Variants in AGO4 observed in about 807,000 individuals in gnomAD.
AGO4 encodes protein argonaute-4.
A neutral mutation model predicts 104.7 loss-of-function variants in AGO4; 33 were observed. That is an observed-to-expected ratio of 0.32 (90% CI 0.24 to 0.42). The LOEUF (loss-of-function observed/expected upper bound fraction) is 0.42. Ranked by LOEUF, AGO4 falls within the 10% of genes least tolerant of loss-of-function variation. AGO4 has a pLI of 1.00. For missense variants in AGO4, 711 were observed against 1,083.4 expected, an observed-to-expected ratio of 0.66 and a Z score of 4.83; for synonymous variants, 331 against 364.7, an observed-to-expected ratio of 0.91 and a Z score of 1.05.
In AGO4 at chr1:35,835,886, C is replaced by T; in HGVS notation, c.1617C>T (p.Val539=). Residue 539 remains valine (V), a synonymous_variant, in exon 13 of 18, where the codon GTC becomes GTT. Transcript: ENST00000373210. ...DTLLGMATQC[V]QVKNVVKTSP... ...TTCTAGGTATGGCCACACAGTGTGTCCAGGTAAAAAATGTAGTGAAGACCT... is the reference window on the plus strand; with the variant it reads ...TTCTAGGTATGGCCACACAGTGTGTTCAGGTAAAAAATGTAGTGAAGACCT... The T allele has an allele frequency of 6.2e-7, 1 of 1,613,794 alleles. No individual in the cohort carries two copies. The highest frequency in any genetic ancestry group is 8.5e-7 in the Non-Finnish European group (1 of 1,179,888).
intron 15 of AGO4, among the ~76,000 whole-genome samples, chr1:35,845,841 A>G (rs1317905261): frequency 6.6e-6 from 1 of 152,162 alleles, no homozygotes; most frequent in Non-Finnish European, 1.5e-5. Context: ...CATATTACAC[A>G]TTCATTGTGG....
At chr1:35,813,888 A>G (rs1311084329) in intron 1 of AGO4, among the ~76,000 whole-genome samples, 3 of 152,000 alleles carry the variant, frequency 2.0e-5, no homozygotes, top group African/African-American at 7.2e-5. Flanking sequence ...AGCCTGGCCA[A>G]TGTAGTGAAA....
Position 35,825,300 on chromosome 1 carries a change from T to A in AGO4, c.307-13T>A, listed in dbSNP as rs375887645. On this transcript the variant is annotated splice_polypyrimidine_tract_variant and intron_variant, in intron 3 of 17. Coordinates refer to ENST00000373210, the MANE Select transcript of AGO4 (RefSeq NM_017629.4). ...AAACATTTGTGTTTGTATTCATGTA[T>A]TTTTTTCCTTAGGTTGATATGGAGG... 65 of 1,609,368 alleles carry A rather than the reference T, an allele frequency of 4.0e-5. No individual in the cohort carries two copies. Among genetic ancestry groups the A allele is most frequent in the Non-Finnish European group, 4.9e-5 (58 of 1,177,086 alleles).
Position 35,816,999 on chromosome 1 carries a change from A to G in AGO4, c.137A>G (p.His46Arg). The G allele has an allele frequency of 6.2e-7, 1 of 1,613,868 alleles. No homozygotes were observed. The highest frequency in any genetic ancestry group is 8.5e-7 in the Non-Finnish European group (1 of 1,179,898). ...QVQIPKIDVY[H>R]YDVDIKPEKR... is the part of the protein sequence containing the mutation. ...CAGATTCCTAAAATAGATGTGTATC[A>G]CTATGATGTGGATATTAAGCCTGAA... The change falls in exon 2 of 18, where the codon CAC (histidine) becomes CGC (arginine). Residue 46 changes from histidine to arginine, a missense_variant. This residue lies in a region of AGO4 where 308 missense variants were observed against 397.8 expected (regional missense o/e 0.77). Coordinates refer to ENST00000373210, the MANE Select transcript of AGO4 (RefSeq NM_017629.4).
chr1:35,816,741 G>GT, intron 1 of AGO4, 141 bp from the exon 2 acceptor site: 1 of 880,132 alleles, frequency 1.1e-6, no homozygotes, highest in Non-Finnish European at 1.6e-6. Flanking sequence ...AGAGGTTGCA[G>GT]TGAGCCAAGA....
chr1:35,833,774 A>G (rs796546315), intron 11 of AGO4, among the ~76,000 whole-genome samples: 4 of 152,364 alleles, frequency 2.6e-5, no homozygotes, highest in East Asian at 1.9e-4. Context: ...TTAGTAATAC[A>G]GATTCTTTTC....
chr1:35,839,815 C>G (rs1644396637), intron 13 of AGO4, among the ~76,000 whole-genome samples: 1 of 151,868 alleles, frequency 6.6e-6, no homozygotes, highest in South Asian at 2.1e-4. Flanking sequence ...AGAATTAACA[C>G]TCGCAGTCCC....
intron 15 of AGO4, among the ~76,000 whole-genome samples, chr1:35,842,795 C>T (rs963849511): frequency 6.6e-6 from 1 of 152,042 alleles, no homozygotes; most frequent in African/African-American, 2.4e-5. Flanking sequence ...CAAGACTCTG[C>T]CTAAAAGAAA....
At chr1:35,835,309 G>A (rs1056151951) in intron 12 of AGO4, among the ~76,000 whole-genome samples, 2 of 152,106 alleles carry the variant, frequency 1.3e-5, no homozygotes, top group East Asian at 3.8e-4. Context: ...CACCCGCCTT[G>A]GCCTCCCAAA....
chr1:35,826,719 G>C, intron 6 of AGO4, 29 bp from the exon 7 acceptor site: 1 of 1,568,450 alleles, frequency 6.4e-7, no homozygotes, highest in Non-Finnish European at 8.8e-7. Flanking sequence ...TTAATTAACT[G>C]ATGTTTTGCC....
intron 16 of AGO4, among the ~76,000 whole-genome samples, chr1:35,850,610 T>C (rs916812453): frequency 6.6e-6 from 1 of 151,036 alleles, no homozygotes; most frequent in African/African-American, 2.4e-5. Context: ...TGAAACCCCA[T>C]CTCTACTAAA....
chr1:35,847,550 T>C (rs1644601612), intron 15 of AGO4, among the ~76,000 whole-genome samples: 2 of 152,194 alleles, frequency 1.3e-5, no homozygotes, highest in Admixed American at 6.5e-5. Context: ...TTTACAAATG[T>C]GTACTGGGCC....
chr1:35,834,507 A>G (rs778566333), intron 12 of AGO4, among the ~76,000 whole-genome samples: 2 of 152,280 alleles, frequency 1.3e-5, no homozygotes, highest in Admixed American at 6.5e-5. Flanking sequence ...GGGGATGGGC[A>G]TTGAGAATGT....
At position 35,856,847 on chromosome 1, in the gene AGO4, T is replaced by A; in HGVS notation, c.*3242T>A. ...AAAAAAAAAGGGGGGGGGGGGACAT[T>A]AAGAGAGTGGTGATGACCCAAATGT... is the stretch of plus-strand genomic sequence containing the variant. On this transcript the variant is annotated 3_prime_UTR_variant, in exon 18 of 18. Coordinates refer to ENST00000373210, the MANE Select transcript of AGO4 (RefSeq NM_017629.4). 1 of 140,352 alleles carries A rather than the reference T, an allele frequency of 7.1e-6. No individual in the cohort carries two copies. The allele number at this position is 140,352 out of a possible 1,614,324, so 8.7% of individuals were successfully genotyped here.
intron 11 of AGO4, 142 bp downstream of exon 11, chr1:35,832,712 A>T: frequency 9.0e-7 from 1 of 1,115,646 alleles, no homozygotes; most frequent in Non-Finnish European, 1.2e-6. Context: ...AAGACCTTGT[A>T]TTATAGTAAT....
chr1:35,838,395 C>T (rs1644363965), intron 13 of AGO4, among the ~76,000 whole-genome samples: 1 of 151,900 alleles, frequency 6.6e-6, no homozygotes, highest in African/African-American at 2.4e-5. Context: ...CTGTGTTGTC[C>T]AGGCTGGTCT....
At chr1:35,835,532 T>G (rs1644292427) in intron 12 of AGO4, among the ~76,000 whole-genome samples, 1 of 151,996 alleles carries the variant, frequency 6.6e-6, no homozygotes, top group Non-Finnish European at 1.5e-5. Flanking sequence ...AAATCAGTCA[T>G]GTGGGAAGAG....
intron 1 of AGO4, among the ~76,000 whole-genome samples, chr1:35,811,917 A>G (rs1557546741): frequency 6.6e-6 from 1 of 152,116 alleles, no homozygotes; most frequent in Non-Finnish European, 1.5e-5. Flanking sequence ...AACCTTGAAT[A>G]TACATCATCT....
intron 17 of AGO4, 149 bp from the exon 18 acceptor site, chr1:35,853,348 T>C: frequency 6.2e-6 from 3 of 480,240 alleles, no homozygotes; most frequent in Non-Finnish European, 7.4e-6. Context: ...TAAGATATTC[T>C]AGAATCTAGT....
Sources: gnomAD v4.1 joint callset for allele counts (sites outside exome capture counted in the v4.1 genomes callset) on GRCh38, gnomAD v4.1.1 for gene constraint, gnomAD v4.1.1 regional missense constraint, MANE v1.5 for transcripts, NCBI Gene and HGNC (gene_info 2026-07-23, HGNC 2026-07-21) for gene names.